The following GLI2 variants were observed in gnomAD, a reference collection of about 807,000 sequenced individuals.
GLI2 encodes GLI family zinc finger 2.
GLI2 carries 22 observed loss-of-function variants against 78.9 expected under a neutral mutation model. The ratio of observed to expected loss-of-function variants is 0.28; its 90% CI spans 0.20 to 0.40. The LOEUF (loss-of-function observed/expected upper bound fraction) is 0.40. Ranked by LOEUF, GLI2 falls within the 10% of genes least tolerant of loss-of-function variation. GLI2 has a pLI of 1.00. For missense variants in GLI2, 2,097 were observed against 2,213.2 expected, an observed-to-expected ratio of 0.95 and a Z score of 1.05; for synonymous variants, 974 against 963.7, an observed-to-expected ratio of 1.01 and a Z score of -0.20.
chr2:120,852,776 C>T (rs1294226881), intron 2 of GLI2, among the ~76,000 whole-genome samples: 2 of 152,174 alleles, frequency 1.3e-5, no homozygotes, highest in African/African-American at 4.8e-5. Context: ...ACTGAGCACC[C>T]CGTATGCCTT....
intron 2 of GLI2, among the ~76,000 whole-genome samples, chr2:120,831,481 C>T (rs572418302): frequency 8.5e-5 from 13 of 152,178 alleles, no homozygotes; most frequent in South Asian, 2.1e-4. Flanking sequence ...CTGTGTTTTC[C>T]TGGGTGACAG....
intron 2 of GLI2, among the ~76,000 whole-genome samples, chr2:120,814,973 GTGTCC>G (rs113343370): frequency 3.3e-4 from 50 of 152,260 alleles, no homozygotes; most frequent in Middle Eastern, 3.4e-3. Context: ...ACAAGGGCCA[GTGTCC>G]TGTCCTGTCC....
At chr2:120,817,112 G>C (rs2104739738) in intron 2 of GLI2, among the ~76,000 whole-genome samples, 1 of 152,354 alleles carries the variant, frequency 6.6e-6, no homozygotes, top group South Asian at 2.1e-4. Context: ...AGACAAATGA[G>C]GTTTTAGGAT....
In GLI2 at chr2:120,736,066, G is replaced by A. The variant is rs1682341225; in HGVS notation, c.-250G>A. The stretch of plus-strand genomic sequence containing the variant: ...GGGCCGCGCGGCGCGCCGCAGCCTC[G>A]GGGAGCCGCCTGCTCGCCGGCGGTA... On this transcript the variant is annotated 5_prime_UTR_variant, in exon 1 of 14. Coordinates refer to ENST00000361492, the MANE Select transcript of GLI2 (RefSeq NM_001374353.1). Among the ~76,000 whole-genome samples, 1 of 151,158 alleles carries A rather than the reference G, an allele frequency of 6.6e-6. No individual in the cohort carries two copies. Among genetic ancestry groups the A allele is most frequent in the African/African-American group, 2.4e-5 (1 of 41,204 alleles).
chr2:120,905,923 A>C (rs1439584855), intron 2 of GLI2, among the ~76,000 whole-genome samples: 1 of 141,018 alleles, frequency 7.1e-6, no homozygotes, highest in African/African-American at 2.8e-5. Flanking sequence ...CAGTGCACTC[A>C]GCTTATCCCG....
intron 2 of GLI2, among the ~76,000 whole-genome samples, chr2:120,861,098 G>A (rs1687881174): frequency 6.6e-6 from 1 of 152,196 alleles, no homozygotes; most frequent in Non-Finnish European, 1.5e-5. Flanking sequence ...ATGACTGGGT[G>A]ATGATTAGAG....
At chr2:120,804,386 T>C (rs534062195) in intron 2 of GLI2, among the ~76,000 whole-genome samples, 16 of 152,298 alleles carry the variant, frequency 1.1e-4, no homozygotes, top group African/African-American at 2.6e-4. Context: ...TAGGGGATTA[T>C]GGAATCTGAT....
At chr2:120,792,369 A>G (rs188023848) in intron 1 of GLI2, 2 of 152,358 alleles carry the variant, frequency 1.3e-5, no homozygotes, top group Non-Finnish European at 2.9e-5. Flanking sequence ...TGCGATGTCT[A>G]AAACGTTCAA....
intron 3 of GLI2, among the ~76,000 whole-genome samples, chr2:120,940,887 G>A (rs2104915294): frequency 6.6e-6 from 1 of 152,348 alleles, no homozygotes; most frequent in East Asian, 1.9e-4. Flanking sequence ...CTACCTGGGT[G>A]CATGCGGGGC....
intron 5 of GLI2, among the ~76,000 whole-genome samples, chr2:120,965,052 G>T (rs1363775186): frequency 2.0e-5 from 3 of 152,234 alleles, no homozygotes; most frequent in Non-Finnish European, 4.4e-5. Context: ...CTAAATGGTG[G>T]TTGTCACTGG....
chr2:120,967,602 C>G (rs1681921129), intron 5 of GLI2, among the ~76,000 whole-genome samples: 1 of 152,250 alleles, frequency 6.6e-6, no homozygotes, highest in Non-Finnish European at 1.5e-5. Context: ...AGGTGTGCGA[C>G]AGCAGCTGGT....
At position 120,796,183 on chromosome 2, in the gene GLI2, C is replaced by T. The variant is rs79502116; in HGVS notation, c.-30-1108C>T. Among the ~76,000 whole-genome samples, 4 of 152,330 alleles carry T rather than the reference C, an allele frequency of 2.6e-5. No individual in the cohort carries two copies. In the East Asian group the frequency reaches 5.8e-4, roughly 22 times the overall value. On this transcript the variant is annotated intron_variant, in intron 1 of 13. Transcript: ENST00000361492. ...CTGGAGACGGAAGTTGCCCATGCCC[C>T]GAATCCCGCTGGGTGTTCCTCCCTT...
chr2:120,739,623 C>T (rs1057179125), intron 1 of GLI2, among the ~76,000 whole-genome samples: 7 of 152,248 alleles, frequency 4.6e-5, no homozygotes, highest in Non-Finnish European at 7.3e-5. Context: ...CAAGGGGCAG[C>T]CAGGCCAGGT....
chr2:120,748,494 A>G (rs1223974919), intron 1 of GLI2, among the ~76,000 whole-genome samples: 1 of 152,182 alleles, frequency 6.6e-6, no homozygotes, highest in Non-Finnish European at 1.5e-5. Flanking sequence ...AGTGCTGGAC[A>G]GGGTGTGGCA....
At chr2:120,881,499 G>A in intron 2 of GLI2, among the ~76,000 whole-genome samples, 1 of 148,928 alleles carries the variant, frequency 6.7e-6, no homozygotes, top group African/African-American at 2.5e-5. Flanking sequence ...AAGACAGTGG[G>A]GAGAGGGCAG....
rs117818317 is a variant in GLI2 at position 120,974,517 on chromosome 2, T to G, written c.1183-458T>G. On this transcript the variant is annotated intron_variant, in intron 8 of 13. Transcript: ENST00000361492. The stretch of plus-strand genomic sequence containing the variant: ...ATTAAAATGGCCACATGGGCCCTAA[T>G]GTGGTCAGGGGACTCAAGTCCAGAC... Among the ~76,000 whole-genome samples, 189 of 152,288 alleles carry G rather than the reference T, an allele frequency of 1.2e-3. 2 individuals carry two copies. In the East Asian group the frequency reaches 0.033, roughly 26 times the overall value.
chr2:120,807,186 C>G (rs1684998287), intron 2 of GLI2, among the ~76,000 whole-genome samples: 1 of 152,112 alleles, frequency 6.6e-6, no homozygotes, highest in Non-Finnish European at 1.5e-5. Flanking sequence ...GCCATCAGCC[C>G]CAGGACACCA....
chr2:120,866,960 C>T (rs1688166666), intron 2 of GLI2: 2 of 152,404 alleles, frequency 1.3e-5, no homozygotes, highest in Middle Eastern at 3.4e-3. Context: ...ACTCCACTTC[C>T]AGGCTCTGCA....
chr2:120,923,274 A>G (rs542909209), intron 2 of GLI2, among the ~76,000 whole-genome samples: 9 of 69,884 alleles, frequency 1.3e-4, no homozygotes, highest in Non-Finnish European at 2.1e-4. Flanking sequence ...ACAGCAACAT[A>G]CATGTACAAC....
Sources: gnomAD v4.1 joint callset for allele counts (sites outside exome capture counted in the v4.1 genomes callset) on GRCh38, gnomAD v4.1.1 for gene constraint, MANE v1.5 for transcripts, NCBI Gene and HGNC (gene_info 2026-07-23, HGNC 2026-07-21) for gene names.